GRID2IP: variants seen among roughly 807,000 people sequenced by gnomAD.
The protein encoded by GRID2IP is Grid2 interacting protein.
GRID2IP carries 78 observed loss-of-function variants against 114.3 expected under a neutral mutation model. That is an observed-to-expected ratio of 0.68 (90% CI 0.57 to 0.82). GRID2IP has a LOEUF of 0.82. GRID2IP is among the 40% of genes least tolerant of loss of function. The probability of loss-of-function intolerance (pLI) is 0.00; values close to 1 mark genes in which losing one functional copy is unlikely to be tolerated. For synonymous variants in GRID2IP, 809 were observed against 724.0 expected (o/e 1.12, Z -1.89); for missense variants, 1,727 against 1,678.5 (o/e 1.03, Z -0.51).
intron 2 of GRID2IP, among the ~76,000 whole-genome samples, chr7:6,531,633 G>A (rs1185107064): frequency 1.3e-5 from 2 of 152,234 alleles, no homozygotes; most frequent in Non-Finnish European, 2.9e-5. Flanking sequence ...CAAGTAGCTG[G>A]GACTACAGGC....
chr7:6,536,458 G>T lies in GRID2IP; in HGVS notation c.584+3260C>A, dbSNP rs1779723966. On this transcript the variant is annotated intron_variant, in intron 2 of 21. Coordinates refer to ENST00000457091, the MANE Select transcript of GRID2IP (RefSeq NM_001145118.2). The surrounding 1 kb of genome is among the most constrained non-coding windows in gnomAD (Gnocchi z 5.3). Reference sequence around the variant, plus strand: ...CCGCTGCCGCAGCTGCCGGCGGCTTGGGGACCAGCGGCGGCTGGGAAAGGC... The same window carrying T: ...CCGCTGCCGCAGCTGCCGGCGGCTTTGGGACCAGCGGCGGCTGGGAAAGGC... Among the ~76,000 whole-genome samples the T allele has an allele frequency of 6.6e-6, 1 of 152,242 alleles. No individual in the cohort carries two copies. The highest frequency in any genetic ancestry group is 1.5e-5 in the Non-Finnish European group (1 of 68,024).
In GRID2IP at chr7:6,523,970, G is replaced by T. The variant is rs889249469; in HGVS notation, c.920-2013C>A. Among the ~76,000 whole-genome samples the T allele has an allele frequency of 1.3e-5, 2 of 152,234 alleles. No homozygotes were observed. Among genetic ancestry groups the T allele is most frequent in the Non-Finnish European group, 2.9e-5 (2 of 68,058 alleles). ...AATCACTTCTAGAGGAAGCTCTCCA[G>T]AGAGCAGCTTTGGGCCTTTTGCTTA... On this transcript the variant is annotated intron_variant, in intron 4 of 21. Coordinates refer to ENST00000457091, the MANE Select transcript of GRID2IP (RefSeq NM_001145118.2). This position sits in a 1 kb window ranked among gnomAD's most constrained non-coding sequence, Gnocchi z 4.5.
chr7:6,512,231 C>CTTTTTTTTTTTTTTTTTTTTTTT lies in GRID2IP; in HGVS notation c.1424-1193_1424-1192insAAAAAAAAAAAAAAAAAAAAAAA, dbSNP rs1002835555. On this transcript the variant is annotated intron_variant, in intron 8 of 21. Coordinates refer to ENST00000457091, the MANE Select transcript of GRID2IP (RefSeq NM_001145118.2). ...CACACCTGCCTTTTTTTCTTTTCTT[C>CTTTTTTTTTTTTTTTTTTTTTTT]TTTTTTTTTTTTTTTTTTGTGACAG... Among the ~76,000 whole-genome samples, 51 of 90,202 alleles carry CTTTTTTTTTTTTTTTTTTTTTTT rather than the reference C, an allele frequency of 5.7e-4. 5 individuals are homozygous for CTTTTTTTTTTTTTTTTTTTTTTT. The highest frequency in any genetic ancestry group is 1.4e-3 in the African/African-American group (31 of 21,714). The allele number at this position is 90,202 out of a possible 152,430, so 59.2% of individuals were successfully genotyped here. A position where few individuals can be genotyped will look rare whatever the true frequency, so the allele number is the denominator to read the frequency against.
chr7:6,513,700 C>T (rs912112683), intron 8 of GRID2IP, among the ~76,000 whole-genome samples: 10 of 152,168 alleles, frequency 6.6e-5, no homozygotes, highest in Non-Finnish European at 1.0e-4. Context: ...TCCGTGGGGC[C>T]ACGTGTGGGC....
At chr7:6,529,773 G>A (rs377080458) in intron 2 of GRID2IP, among the ~76,000 whole-genome samples, 4 of 152,116 alleles carry the variant, frequency 2.6e-5, no homozygotes, top group East Asian at 3.9e-4. Context: ...GGACTCTGGA[G>A]TCCCTGCTAT....
Position 6,519,934 on chromosome 7 carries a change from C to G in GRID2IP, c.1268+644G>C, listed in dbSNP as rs1360048058. On this transcript the variant is annotated intron_variant, in intron 7 of 21. Coordinates refer to ENST00000457091, the MANE Select transcript of GRID2IP (RefSeq NM_001145118.2). The surrounding 1 kb of genome is among the most constrained non-coding windows in gnomAD (Gnocchi z 4.1). ...CAACCCTACCCCGAAGGGCCTAGCC[C>G]ATGACAAGTGCCCACAGGTGGGGCT... Among the ~76,000 whole-genome samples the G allele has an allele frequency of 6.6e-6, 1 of 152,134 alleles. No homozygotes were observed. The highest frequency in any genetic ancestry group is 1.9e-4 in the East Asian group (1 of 5,170).
At position 6,497,629 on chromosome 7, in the gene GRID2IP, G is replaced by A. The variant is rs771488832; in HGVS notation, c.*145C>T. The A allele has an allele frequency of 1.7e-6, 1 of 593,856 alleles. No homozygotes were observed. Among genetic ancestry groups the A allele is most frequent in the Non-Finnish European group, 2.9e-6 (1 of 343,814 alleles). The allele number at this position is 593,856 out of a possible 1,614,324, so 36.8% of individuals were successfully genotyped here. ...GCTGGCAGAGGAGGGCCCGACCACA[G>A]CTCGGCGGCTGAGGTAGCTGCAGGA... On this transcript the variant is annotated 3_prime_UTR_variant, in exon 22 of 22. Coordinates refer to ENST00000457091, the MANE Select transcript of GRID2IP (RefSeq NM_001145118.2).
chr7:6,525,271 C>A (rs1424559670), intron 4 of GRID2IP, among the ~76,000 whole-genome samples: 1 of 152,010 alleles, frequency 6.6e-6, no homozygotes, highest in Non-Finnish European at 1.5e-5. Context: ...CATGCCATTG[C>A]ACTCCAGCCT....
chr7:6,549,727 C>T (rs535075747), intron 1 of GRID2IP, among the ~76,000 whole-genome samples: 1 of 152,190 alleles, frequency 6.6e-6, no homozygotes, highest in South Asian at 2.1e-4. Context: ...CTCAAGTAAT[C>T]CTCCCACCTC....
intron 8 of GRID2IP, among the ~76,000 whole-genome samples, chr7:6,514,168 G>A (rs1186529169): frequency 2.0e-5 from 3 of 151,764 alleles, no homozygotes; most frequent in Non-Finnish European, 4.4e-5. Flanking sequence ...CAGGAGAATC[G>A]CTTGAACTTG....
In GRID2IP at chr7:6,507,526, G is replaced by A. The variant is rs921220248; in HGVS notation, c.2544+459C>T. Among the ~76,000 whole-genome samples the A allele has an allele frequency of 1.3e-5, 2 of 152,234 alleles. No individual in the cohort carries two copies. The highest frequency in any genetic ancestry group is 4.8e-5 in the African/African-American group (2 of 41,456). ...GACAAGATTTCAGAGCAAGACAAAG[G>A]ATGGTTAAAATCGTCCAGTGAGGAA... On this transcript the variant is annotated intron_variant, in intron 13 of 21. Transcript: ENST00000457091. This position sits in a 1 kb window ranked among gnomAD's most constrained non-coding sequence, Gnocchi z 5.3.
intron 2 of GRID2IP, among the ~76,000 whole-genome samples, chr7:6,529,161 G>T (rs895799283): frequency 5.3e-5 from 8 of 152,250 alleles, no homozygotes; most frequent in African/African-American, 1.4e-4. Context: ...ACTAGAAAAG[G>T]CCCTGTCGTC....
rs919082792 is a variant in GRID2IP, at chr7:6,528,263, C to T, written c.585-1494G>A. On this transcript the variant is annotated intron_variant, in intron 2 of 21. Coordinates refer to ENST00000457091, the MANE Select transcript of GRID2IP (RefSeq NM_001145118.2). The surrounding 1 kb of genome is among the most constrained non-coding windows in gnomAD (Gnocchi z 6.0). The stretch of plus-strand genomic sequence containing the variant: ...GCCACAGTGACTAGCCAGGGCTCAG[C>T]ACATAGGAGAGACTCAGTCAACAGG... Among the ~76,000 whole-genome samples the T allele has an allele frequency of 7.9e-5, 12 of 152,128 alleles. No individual in the cohort carries two copies. Among genetic ancestry groups the T allele is most frequent in the Admixed American group, 2.6e-4 (4 of 15,254 alleles).
intron 2 of GRID2IP, chr7:6,530,924 C>A: frequency 2.1e-6 from 1 of 478,556 alleles, no homozygotes; most frequent in South Asian, 3.1e-5. Context: ...GCCTCGGGCT[C>A]CGCCCAGGCT....
Position 6,507,911 on chromosome 7 carries a change from G to T in GRID2IP, c.2544+74C>A. ...TGATGTTGGAAGATGCCTGGCCGATGGGTTTTCCTTCAGTGCTGCTGCCCA... is the reference window on the plus strand; with the variant it reads ...TGATGTTGGAAGATGCCTGGCCGATTGGTTTTCCTTCAGTGCTGCTGCCCA... On this transcript the variant is annotated intron_variant, in intron 13 of 21. Coordinates refer to ENST00000457091, the MANE Select transcript of GRID2IP (RefSeq NM_001145118.2). The surrounding 1 kb of genome is among the most constrained non-coding windows in gnomAD (Gnocchi z 5.3). 1 of 1,523,006 alleles carries T rather than the reference G, an allele frequency of 6.6e-7. No homozygotes were observed. The highest frequency in any genetic ancestry group is 8.8e-7 in the Non-Finnish European group (1 of 1,133,634). 94.3% of individuals were successfully genotyped at this position (1,523,006 alleles called of 1,614,324 possible).
rs867712461 is a variant in GRID2IP at position 6,498,269 on chromosome 7, C to T, written c.3400-41G>A. 5.7e-5 allele frequency: 85 copies of T among 1,500,268 alleles called. No individual in the cohort carries two copies. In the African/African-American group the frequency reaches 1.0e-3, roughly 18 times the overall value. The allele number at this position is 1,500,268 out of a possible 1,614,324, so 92.9% of individuals were successfully genotyped here. On this transcript the variant is annotated intron_variant, in intron 20 of 21. Coordinates refer to ENST00000457091, the MANE Select transcript of GRID2IP (RefSeq NM_001145118.2). ...TAAGGAAACAGCCAGCCCGCTTGTG[C>T]CCCCAGGGTCTCAGGTGGTGGCCCG...
In GRID2IP at chr7:6,508,364, T is replaced by C. The variant is rs1243184487; in HGVS notation, c.2165A>G (p.Asn722Ser). 5 of 1,551,510 alleles carry C rather than the reference T, an allele frequency of 3.2e-6. No homozygotes were observed. The highest frequency in any genetic ancestry group is 4.9e-5 in the East Asian group (2 of 40,916). The change falls in exon 13 of 22, where the codon AAT becomes AGT. Residue 722 changes from asparagine to serine, a missense_variant. Asn to Ser is a conservative substitution (Grantham distance 46, BLOSUM62 1). Transcript: ENST00000457091. The surrounding 1 kb of genome is among the most constrained non-coding windows in gnomAD (Gnocchi z 5.6). Reference protein sequence around the residue: ...FHDDQGSFVTNERSSASDCIS... With the variant: ...FHDDQGSFVTSERSSASDCIS... ...GCAGTCGCTGGCGCTGCTCCGCTCA[T>C]TGGTTACGAAGCTGCCCTGGTCATC...
intron 4 of GRID2IP, among the ~76,000 whole-genome samples, chr7:6,524,141 C>G (rs1338951771): frequency 6.6e-6 from 1 of 152,120 alleles, no homozygotes; most frequent in Non-Finnish European, 1.5e-5. Flanking sequence ...GGACTACTGG[C>G]CTCAGTTTCC....
At chr7:6,538,620 G>A (rs1033433199) in intron 2 of GRID2IP, among the ~76,000 whole-genome samples, 13 of 151,002 alleles carry the variant, frequency 8.6e-5, no homozygotes, top group South Asian at 4.2e-4. Flanking sequence ...GCTCACGTCT[G>A]TAATCCACAC....
Sources: allele counts gnomAD v4.1 joint callset (sites outside exome capture counted in the v4.1 genomes callset), GRCh38; gene constraint gnomAD v4.1.1; non-coding constraint Gnocchi (gnomAD v3.1); transcripts MANE v1.5; gene names NCBI Gene and HGNC (gene_info 2026-07-23, HGNC 2026-07-21).